The following GRM7 variants were observed in gnomAD, a reference collection of about 807,000 sequenced individuals.
GRM7 encodes the protein glutamate metabotropic receptor 7, also known as metabotropic glutamate receptor 7.
In GRM7, 35 loss-of-function variants were observed where a neutral mutation model predicts 84.5. The observed-to-expected ratio is 0.41, with a 90% CI of 0.32 to 0.55. GRM7 has a LOEUF of 0.55. Ranked by LOEUF, GRM7 falls within the 20% of genes least tolerant of loss-of-function variation. The probability of loss-of-function intolerance (pLI) is 0.19; values close to 1 mark genes in which losing one functional copy is unlikely to be tolerated. For synonymous variants in GRM7, 487 were observed against 455.1 expected (o/e 1.07, Z -0.89); for missense variants, 1,003 against 1,194.6 (o/e 0.84, Z 2.36).
At chr3:7,641,593 A>T (rs1178482768) in intron 8 of GRM7, among the ~76,000 whole-genome samples, 1 of 152,138 alleles carries the variant, frequency 6.6e-6, no homozygotes, top group East Asian at 1.9e-4. Context: ...TGTCCAGGGG[A>T]GGGGAGAATG....
intron 7 of GRM7, among the ~76,000 whole-genome samples, chr3:7,528,627 T>C (rs1270476317): frequency 2.0e-5 from 3 of 152,126 alleles, no homozygotes; most frequent in African/African-American, 7.2e-5. Flanking sequence ...CAATTTGAGA[T>C]CTTTCTTTTT....
chr3:6,927,095 C>T (rs565560760), intron 1 of GRM7, among the ~76,000 whole-genome samples: 2 of 152,190 alleles, frequency 1.3e-5, no homozygotes, highest in Non-Finnish European at 2.9e-5. Flanking sequence ...TCATGTTATA[C>T]AATTTAAATA....
At chr3:6,983,893 A>G (rs1189783355) in intron 1 of GRM7, among the ~76,000 whole-genome samples, 1 of 151,924 alleles carries the variant, frequency 6.6e-6, no homozygotes, top group African/African-American at 2.4e-5. Flanking sequence ...TAACAATTAG[A>G]TATTTAACAA....
intron 1 of GRM7, among the ~76,000 whole-genome samples, chr3:6,954,497 CA>C (rs1223959564): frequency 6.6e-6 from 1 of 152,170 alleles, no homozygotes; most frequent in Non-Finnish European, 1.5e-5. Flanking sequence ...AAGGTCTGAA[CA>C]CCTGTAACTG....
At chr3:7,221,394 ATTGT>A (rs1553633697) in intron 2 of GRM7, among the ~76,000 whole-genome samples, 5 of 152,016 alleles carry the variant, frequency 3.3e-5, no homozygotes, top group Non-Finnish European at 7.4e-5. Context: ...CTCAAACCTG[ATTGT>A]TTGCTATTTT....
At chr3:7,259,797 G>T (rs976610656) in intron 2 of GRM7, among the ~76,000 whole-genome samples, 3 of 151,920 alleles carry the variant, frequency 2.0e-5, no homozygotes, top group Non-Finnish European at 4.4e-5. Flanking sequence ...ATTTTTTTGG[G>T]TATATACCCA....
At chr3:6,955,114 T>C (rs9850967) in intron 1 of GRM7, among the ~76,000 whole-genome samples, 3,069 of 152,318 alleles carry the variant, frequency 0.02, 109 homozygotes, top group African/African-American at 0.07. Flanking sequence ...CCTAGGCAAG[T>C]TGACCTTTCT....
chr3:7,578,377 C>T, intron 7 of GRM7, 45 bp from the exon 8 acceptor site: 1 of 1,316,398 alleles, frequency 7.6e-7, no homozygotes, highest in South Asian at 1.3e-5. Context: ...TTTCTATTCT[C>T]TTGAAGAATC....
At chr3:7,641,488 C>A (rs1698361167) in intron 8 of GRM7, among the ~76,000 whole-genome samples, 2 of 152,008 alleles carry the variant, frequency 1.3e-5, no homozygotes, top group South Asian at 4.2e-4. Context: ...CTTTCTAGGG[C>A]AGTGGTTTTT....
chr3:7,569,059 C>A (rs977094158), intron 7 of GRM7, among the ~76,000 whole-genome samples: 1 of 152,192 alleles, frequency 6.6e-6, no homozygotes, highest in African/African-American at 2.4e-5. Context: ...GGGCTCCTGA[C>A]CCTGGTGGGG....
chr3:7,023,853 T>C (rs1380280544), intron 1 of GRM7, among the ~76,000 whole-genome samples: 3 of 152,182 alleles, frequency 2.0e-5, no homozygotes, highest in Admixed American at 6.5e-5. Flanking sequence ...TTACAAGAGA[T>C]TGTTTACATA....
chr3:7,148,785 T>C (rs1165231885), intron 2 of GRM7, among the ~76,000 whole-genome samples: 3 of 152,180 alleles, frequency 2.0e-5, no homozygotes, highest in East Asian at 1.9e-4. Flanking sequence ...AAATAAGGAT[T>C]CCGTCAGTGG....
At chr3:7,616,615 G>T (rs1697093104) in intron 8 of GRM7, among the ~76,000 whole-genome samples, 2 of 152,096 alleles carry the variant, frequency 1.3e-5, no homozygotes, top group African/African-American at 4.8e-5. Context: ...TTTTCTGTAT[G>T]TATGTTTTGC....
intron 9 of GRM7, among the ~76,000 whole-genome samples, chr3:7,707,930 A>ATTTTTTTTTTTTTTTTTTTT (rs34344224): frequency 3.2e-5 from 4 of 123,688 alleles, no homozygotes; most frequent in Non-Finnish European, 6.8e-5. Context: ...GAAGCTTTCA[A>ATTTTTTTTTTTTTTTTTTTT]TTTTTTTTTT....
At chr3:7,125,005 T>A (rs1241321049) in intron 1 of GRM7, among the ~76,000 whole-genome samples, 1 of 151,998 alleles carries the variant, frequency 6.6e-6, no homozygotes, top group Non-Finnish European at 1.5e-5. Flanking sequence ...GTGGCGCGGG[T>A]CTCAGCTCAC....
rs368616429 is a variant in GRM7 at position 7,650,806 on chromosome 3, C to T, written c.2452-29243C>T. The stretch of plus-strand genomic sequence containing the variant: ...AATCTCGGCTGACTGCAACCTTAGC[C>T]TCCTGGCTCCAAGAGATTCTCCTGC... On this transcript the variant is annotated intron_variant, in intron 8 of 9. Coordinates refer to ENST00000357716, the MANE Select transcript of GRM7 (RefSeq NM_000844.4). 7.2e-5 allele frequency among the ~76,000 whole-genome samples: 11 copies of T among 152,336 alleles called. No homozygotes were observed. In the East Asian group the frequency reaches 1.7e-3, roughly 24 times the overall value.
intron 7 of GRM7, among the ~76,000 whole-genome samples, chr3:7,468,764 C>T (rs1698567428): frequency 1.3e-5 from 2 of 151,822 alleles, no homozygotes; most frequent in Non-Finnish European, 2.9e-5. Flanking sequence ...TTCATGAGAT[C>T]TGATGCTTTT....
intron 1 of GRM7, among the ~76,000 whole-genome samples, chr3:7,139,845 T>C (rs1693890844): frequency 2.0e-5 from 3 of 151,974 alleles, no homozygotes; most frequent in African/African-American, 7.2e-5. Context: ...AAAAAGTTTC[T>C]GTATAGCAAA....
At chr3:7,020,634 T>C (rs1242477130) in intron 1 of GRM7, among the ~76,000 whole-genome samples, 1 of 152,192 alleles carries the variant, frequency 6.6e-6, no homozygotes, top group African/African-American at 2.4e-5. Context: ...CGAATGAATG[T>C]AATTGCAAAA....
Sources: gnomAD v4.1 joint callset for allele counts (sites outside exome capture counted in the v4.1 genomes callset) on GRCh38, gnomAD v4.1.1 for gene constraint, MANE v1.5 for transcripts, NCBI Gene and HGNC (gene_info 2026-07-23, HGNC 2026-07-21) for gene names.